Variants in BPTF observed in about 807,000 individuals in gnomAD.
BPTF encodes nucleosome-remodeling factor subunit BPTF.
A neutral mutation model predicts 292.5 loss-of-function variants in BPTF; 18 were observed. The observed-to-expected ratio is 0.06, with a 90% CI of 0.04 to 0.09. The LOEUF (loss-of-function observed/expected upper bound fraction) is 0.09. BPTF is among the 10% of genes least tolerant of loss of function. The probability of loss-of-function intolerance (pLI) is 1.00; values close to 1 mark genes in which losing one functional copy is unlikely to be tolerated. For missense variants in BPTF, 2,726 were observed against 3,498.7 expected (o/e 0.78, Z 5.57); for synonymous variants, 1,225 against 1,251.9 (o/e 0.98, Z 0.45).
intron 7 of BPTF, among the ~76,000 whole-genome samples, chr17:67,896,199 T>C (rs1205465609): frequency 6.6e-6 from 1 of 152,136 alleles, no homozygotes; most frequent in Non-Finnish European, 1.5e-5. Context: ...CCTGACCTTG[T>C]GATCCGCCCG....
At chr17:67,973,730 C>G (rs899181312) in intron 26 of BPTF, among the ~76,000 whole-genome samples, 9 of 151,910 alleles carry the variant, frequency 5.9e-5, no homozygotes, top group Admixed American at 5.9e-4. Context: ...GGTCTCGGAA[C>G]TCATGACCTT....
intron 12 of BPTF, among the ~76,000 whole-genome samples, chr17:67,919,056 C>T (rs567732815): frequency 6.6e-6 from 1 of 151,570 alleles, no homozygotes; most frequent in East Asian, 1.9e-4. Flanking sequence ...CCTGTAGTCC[C>T]AGCTACTCGG....
chr17:67,969,452 CAAAAAAAAAAAA>C (rs11360473), intron 26 of BPTF, among the ~76,000 whole-genome samples: 5 of 47,984 alleles, frequency 1.0e-4, no homozygotes, highest in African/African-American at 2.5e-4. Flanking sequence ...ACTCTGTCTC[CAAAAAAAAAAAA>C]AAAAAAAAAA....
chr17:67,911,585 A>C lies in BPTF; in HGVS notation c.3701A>C (p.Lys1234Thr). 4 of 1,614,208 alleles carry C rather than the reference A, an allele frequency of 2.5e-6. No homozygotes were observed. Among genetic ancestry groups the C allele is most frequent in the South Asian group, 1.1e-5 (1 of 91,076 alleles). The change falls in exon 11 of 28, where the codon AAA becomes ACA. Residue 1234 changes from lysine to threonine, a missense_variant. Lys to Thr is a moderately conservative substitution (Grantham distance 78). Transcript: ENST00000306378. ...ATTGGTACTTTGATCTGTAAGAACA[A>C]AAAACCGCTCATACAGGAGGAAAGT... ...DDIGTLICKN[K>T]KPLIQEESDT...
At chr17:67,851,195 T>C (rs1323789519) in intron 1 of BPTF, among the ~76,000 whole-genome samples, 1 of 151,764 alleles carries the variant, frequency 6.6e-6, no homozygotes, top group Non-Finnish European at 1.5e-5. Context: ...TTGTTTGGCA[T>C]GAGGTCCAGT....
chr17:67,835,625 GT>G (rs75873575), intron 1 of BPTF, among the ~76,000 whole-genome samples: 30,998 of 151,290 alleles, frequency 0.2, 3,985 homozygotes, highest in East Asian at 0.66. Context: ...TGAAGAGGAA[GT>G]TAACATGTGA....
At chr17:67,833,067 G>A (rs1056175917) in intron 1 of BPTF, among the ~76,000 whole-genome samples, 1 of 151,868 alleles carries the variant, frequency 6.6e-6, no homozygotes, top group Admixed American at 6.6e-5. Flanking sequence ...AAAGTGCTGG[G>A]ATTACAGGCG....
chr17:67,976,906 A>C (rs2069550858), intron 27 of BPTF, among the ~76,000 whole-genome samples: 1 of 152,040 alleles, frequency 6.6e-6, no homozygotes, highest in Non-Finnish European at 1.5e-5. Flanking sequence ...ACAGTTGATA[A>C]ACATCATAAA....
In BPTF at chr17:67,940,558, A is replaced by T; in HGVS notation, c.6379A>T (p.Thr2127Ser). Reference protein sequence around the residue: ...GQKSLTSATSTSNIQSSASQP... With the variant: ...GQKSLTSATSSSNIQSSASQP... ...GAAAAGCTTAACTTCAGCAACGTCC[A>T]CTTCAAATATACAGTCTTCAGCCTC... The change falls in exon 19 of 28, where the codon ACT becomes TCT. Residue 2127 changes from threonine (T) to serine (S), a missense_variant. Around this residue, in one of 22 missense-constraint regions of BPTF, gnomAD observed 570 missense variants for 633.5 expected, o/e 0.90. Coordinates refer to ENST00000306378, the MANE Select transcript of BPTF (RefSeq NM_182641.4). 6.2e-7 allele frequency: 1 copy of T among 1,614,022 alleles called. No homozygotes were observed. Among genetic ancestry groups the T allele is most frequent in the East Asian group, 2.2e-5 (1 of 44,890 alleles).
chr17:67,851,931 T>TGCAGGAA (rs2058434886), intron 1 of BPTF, among the ~76,000 whole-genome samples: 1 of 148,828 alleles, frequency 6.7e-6, no homozygotes, highest in African/African-American at 2.5e-5. Flanking sequence ...TTTTTTTTTT[T>TGCAGGAA]AATGCAGGAA....
rs1163922299 is a variant in BPTF, at chr17:67,966,572, G to T, written c.8455G>T (p.Ala2819Ser). Residue 2819 changes from alanine to serine, a missense_variant and splice_region_variant, in exon 26 of 28, where the codon GCC (alanine) becomes TCC (serine). Physicochemically the swap from Ala to Ser is moderately conservative, Grantham distance 99 (BLOSUM62 1). Coordinates refer to ENST00000306378, the MANE Select transcript of BPTF (RefSeq NM_182641.4). Reference sequence around the variant, plus strand: ...TAATGATGCTGCTTTTTCATTATAGGCCCATAAGATGGCCTGGCCTTTCCT... The same window carrying T: ...TAATGATGCTGCTTTTTCATTATAGTCCCATAAGATGGCCTGGCCTTTCCT... The part of the protein sequence containing the change: ...GLKRVLRSLQ[A>S]HKMAWPFLEP... 1.9e-6 allele frequency: 3 copies of T among 1,610,686 alleles called. No individual in the cohort carries two copies. Among genetic ancestry groups the T allele is most frequent in the Non-Finnish European group, 2.5e-6 (3 of 1,178,064 alleles).
At chr17:67,851,793 T>C (rs940972652) in intron 1 of BPTF, among the ~76,000 whole-genome samples, 1 of 152,190 alleles carries the variant, frequency 6.6e-6, no homozygotes, top group Non-Finnish European at 1.5e-5. Context: ...GTTTCCATTG[T>C]TTTGCATCCT....
At chr17:67,876,036 GT>G (rs2060029047) in intron 4 of BPTF, among the ~76,000 whole-genome samples, 1 of 152,068 alleles carries the variant, frequency 6.6e-6, no homozygotes, top group South Asian at 2.1e-4. Context: ...AGATATTTTG[GT>G]TTTAATTACT....
chr17:67,830,669 C>T (rs2056587863), intron 1 of BPTF, among the ~76,000 whole-genome samples: 1 of 152,016 alleles, frequency 6.6e-6, no homozygotes, highest in African/African-American at 2.4e-5. Flanking sequence ...GAGCAGCAGG[C>T]ACTGATAGTA....
At chr17:67,934,852 A>G (rs1408363905) in intron 18 of BPTF, among the ~76,000 whole-genome samples, 1 of 123,134 alleles carries the variant, frequency 8.1e-6, no homozygotes, top group Non-Finnish European at 1.6e-5. Context: ...AGCCTGAGCA[A>G]TGAGCGAAAC....
chr17:67,865,894 T>C (rs575011457), intron 2 of BPTF, among the ~76,000 whole-genome samples: 4 of 152,316 alleles, frequency 2.6e-5, no homozygotes, highest in African/African-American at 9.6e-5. Context: ...TTATTTGAGA[T>C]AACTCCTTCA....
chr17:67,971,580 C>T (rs528451627), intron 26 of BPTF, among the ~76,000 whole-genome samples: 7 of 151,670 alleles, frequency 4.6e-5, no homozygotes, highest in South Asian at 2.1e-4. Flanking sequence ...CTGAGGCAGG[C>T]GGATCATGAG....
intron 1 of BPTF, among the ~76,000 whole-genome samples, chr17:67,829,253 C>T (rs113779703): frequency 6.7e-6 from 1 of 149,466 alleles, no homozygotes; most frequent in African/African-American, 2.5e-5. Flanking sequence ...CAGGCATTTT[C>T]CTTTATTGGC....
At chr17:67,921,962 G>A (rs181614657) in intron 13 of BPTF, among the ~76,000 whole-genome samples, 7 of 150,424 alleles carry the variant, frequency 4.7e-5, no homozygotes, top group Middle Eastern at 3.4e-3. Flanking sequence ...ACCCAGGATG[G>A]GGGTGTTGCA....
Sources: gnomAD v4.1 joint callset for allele counts (sites outside exome capture counted in the v4.1 genomes callset) on GRCh38, gnomAD v4.1.1 for gene constraint, gnomAD v4.1.1 regional missense constraint, MANE v1.5 for transcripts, NCBI Gene and HGNC (gene_info 2026-07-23, HGNC 2026-07-21) for gene names.